SGCZ: variants seen among roughly 807,000 people sequenced by gnomAD.
SGCZ encodes sarcoglycan zeta, also known as zeta-sarcoglycan.
SGCZ carries 40 observed loss-of-function variants against 41.3 expected under a neutral mutation model. That is an observed-to-expected ratio of 0.97 (90% CI 0.75 to 1.26). SGCZ has a LOEUF of 1.26. SGCZ is among the 50% of genes most tolerant of loss of function. SGCZ has a pLI of 0.00. For missense variants in SGCZ, 552 were observed against 369.8 expected (o/e 1.49, Z -4.04); for synonymous variants, 206 against 137.5 (o/e 1.50, Z -3.49).
rs71304960 is a variant in SGCZ at position 14,660,571 on chromosome 8, CA to C, written c.40-105646del. Among the ~76,000 whole-genome samples the C allele has an allele frequency of 4.7e-3, 314 of 67,280 alleles. 1 individual carries two copies. The highest frequency in any genetic ancestry group is 9.1e-3 in the African/African-American group (189 of 20,758). 44.1% of individuals were successfully genotyped at this position (67,280 alleles called of 152,430 possible). A position where few individuals can be genotyped will look rare whatever the true frequency, so the allele number is the denominator to read the frequency against. On this transcript the variant is annotated intron_variant, in intron 1 of 7. Coordinates refer to ENST00000382080, the MANE Select transcript of SGCZ (RefSeq NM_139167.4). ...GGGCAACAGAGCAAAAACTCCATCT[CA>C]AAAAAAAAAAAAAAAAAAGAGAGAA...
chr8:14,223,790 C>G (rs986963038), intron 4 of SGCZ, among the ~76,000 whole-genome samples: 1 of 152,100 alleles, frequency 6.6e-6, no homozygotes, highest in African/African-American at 2.4e-5. Context: ...TCATTCACAC[C>G]ATCCAAAATA....
At chr8:14,869,079 C>G (rs1321285468) in intron 1 of SGCZ, among the ~76,000 whole-genome samples, 1 of 152,140 alleles carries the variant, frequency 6.6e-6, no homozygotes, top group African/African-American at 2.4e-5. Flanking sequence ...TCCTCCCTAA[C>G]TCAATTTATG....
At chr8:14,252,377 T>C (rs556170452) in intron 3 of SGCZ, among the ~76,000 whole-genome samples, 1 of 152,164 alleles carries the variant, frequency 6.6e-6, no homozygotes, top group Non-Finnish European at 1.5e-5. Flanking sequence ...CCATTGTTCA[T>C]TTCTGAAGCA....
At position 15,156,057 on chromosome 8, in the gene SGCZ, C is replaced by CAA. The variant is rs67378130; in HGVS notation, c.39+81526_39+81527dup. On this transcript the variant is annotated intron_variant, in intron 1 of 7. Transcript: ENST00000382080. ...TGGGTGACAGAGTGAGATTCCCTCT[C>CAA]AAAAAAAAAAAAAAAAAATAGAAGA... Among the ~76,000 whole-genome samples the CAA allele has an allele frequency of 2.7e-3, 296 of 110,890 alleles. 4 individuals carry two copies. Among genetic ancestry groups the CAA allele is most frequent in the African/African-American group, 0.011 (280 of 26,490 alleles). 72.7% of individuals were successfully genotyped at this position (110,890 alleles called of 152,430 possible). A position where few individuals can be genotyped will look rare whatever the true frequency, so the allele number is the denominator to read the frequency against.
chr8:14,734,706 T>G (rs6986197), intron 1 of SGCZ, among the ~76,000 whole-genome samples: 1 of 152,148 alleles, frequency 6.6e-6, no homozygotes, highest in Non-Finnish European at 1.5e-5. Context: ...CTACATTAAG[T>G]GCTCTTGATT....
Position 14,322,425 on chromosome 8 carries a change from A to G in SGCZ, c.336+1678T>C, listed in dbSNP as rs560917344. ...TAGGAAGCGCAAGTGGCTCCACCTC[A>G]CACGTTAATGCTATAATGTTAGTGG... On this transcript the variant is annotated intron_variant, in intron 3 of 7. Coordinates refer to ENST00000382080, the MANE Select transcript of SGCZ (RefSeq NM_139167.4). Among the ~76,000 whole-genome samples, 3 of 152,172 alleles carry G rather than the reference A, an allele frequency of 2.0e-5. No homozygotes were observed. The South Asian group carries it at 6.2e-4, about 32-fold the overall frequency.
intron 1 of SGCZ, among the ~76,000 whole-genome samples, chr8:15,151,873 C>A (rs916654806): frequency 7.9e-5 from 12 of 152,102 alleles, no homozygotes; most frequent in African/African-American, 2.9e-4. Flanking sequence ...CTTCAGAGAA[C>A]TCTTGATTCT....
At chr8:14,927,791 G>A (rs187547656) in intron 1 of SGCZ, among the ~76,000 whole-genome samples, 7 of 152,198 alleles carry the variant, frequency 4.6e-5, no homozygotes, top group African/African-American at 1.7e-4. Context: ...CCTTATTAAA[G>A]GGTTAACTTC....
chr8:14,570,119 G>C (rs1804506848), intron 1 of SGCZ, among the ~76,000 whole-genome samples: 1 of 152,056 alleles, frequency 6.6e-6, no homozygotes, highest in Non-Finnish European at 1.5e-5. Context: ...ACGTCCATTA[G>C]AATATAAGCC....
intron 7 of SGCZ, among the ~76,000 whole-genome samples, chr8:14,094,294 C>T (rs114839840): frequency 4.6e-5 from 7 of 151,944 alleles, no homozygotes; most frequent in Admixed American, 2.0e-4. Context: ...CTCCCCTAGC[C>T]CCCCCATGCC....
intron 2 of SGCZ, among the ~76,000 whole-genome samples, chr8:14,554,105 A>G (rs1423546284): frequency 6.6e-6 from 1 of 152,060 alleles, no homozygotes; most frequent in East Asian, 1.9e-4. Flanking sequence ...TCATTAATAC[A>G]TTATACAATC....
chr8:15,035,710 T>C (rs1803851457), intron 1 of SGCZ, among the ~76,000 whole-genome samples: 1 of 151,966 alleles, frequency 6.6e-6, no homozygotes, highest in South Asian at 2.1e-4. Context: ...TAAAATAAAA[T>C]TGAAGTCAAA....
intron 1 of SGCZ, among the ~76,000 whole-genome samples, chr8:15,029,039 A>C (rs1452746331): frequency 6.6e-6 from 1 of 152,112 alleles, no homozygotes; most frequent in Non-Finnish European, 1.5e-5. Context: ...TTACAACATC[A>C]ATGCCTAATT....
chr8:14,657,476 T>C (rs973524129), intron 1 of SGCZ, among the ~76,000 whole-genome samples: 4 of 152,122 alleles, frequency 2.6e-5, no homozygotes, highest in Admixed American at 6.6e-5. Context: ...AATGAATACT[T>C]ACTAATCATT....
chr8:14,803,304 C>A (rs768190607), intron 1 of SGCZ, among the ~76,000 whole-genome samples: 1 of 152,146 alleles, frequency 6.6e-6, no homozygotes, highest in Non-Finnish European at 1.5e-5. Flanking sequence ...TTCTGCATTT[C>A]CATCTGAGGT....
chr8:15,009,921 GTCT>G (rs1275939926), intron 1 of SGCZ, among the ~76,000 whole-genome samples: 1 of 152,070 alleles, frequency 6.6e-6, no homozygotes, highest in Non-Finnish European at 1.5e-5. Flanking sequence ...AACTTTTGAA[GTCT>G]TCTGCTATCT....
At chr8:14,091,130 T>G (rs529951750) in intron 7 of SGCZ, among the ~76,000 whole-genome samples, 1 of 151,946 alleles carries the variant, frequency 6.6e-6, no homozygotes, top group Non-Finnish European at 1.5e-5. Context: ...AATCATGGTT[T>G]CCAGCTTCAT....
intron 1 of SGCZ, among the ~76,000 whole-genome samples, chr8:14,586,511 C>T (rs1274347189): frequency 1.3e-5 from 2 of 152,086 alleles, no homozygotes; most frequent in African/African-American, 2.4e-5. Context: ...CCACGCCCAG[C>T]GCAAAATATG....
At chr8:14,436,941 G>A (rs1290314731) in intron 2 of SGCZ, among the ~76,000 whole-genome samples, 1 of 143,070 alleles carries the variant, frequency 7.0e-6, no homozygotes, top group Non-Finnish European at 1.5e-5. Flanking sequence ...CTCAAAAACT[G>A]GCAGTATTTG....
Sources: allele counts gnomAD v4.1 joint callset (sites outside exome capture counted in the v4.1 genomes callset), GRCh38; gene constraint gnomAD v4.1.1; transcripts MANE v1.5; gene names NCBI Gene and HGNC (gene_info 2026-07-23, HGNC 2026-07-21).